ZMYND8: variants seen among roughly 807,000 people sequenced by gnomAD.
The protein encoded by ZMYND8 is MYND-type zinc finger-containing chromatin reader ZMYND8.
In ZMYND8, 37 loss-of-function variants were observed where a neutral mutation model predicts 140.8. That is an observed-to-expected ratio of 0.26 (90% CI 0.20 to 0.35). The LOEUF is 0.35. Among genes scored for constraint, ZMYND8 ranks in the 10% least tolerant of loss-of-function variants. ZMYND8 has a pLI of 1.00. For synonymous variants in ZMYND8, 592 were observed against 597.1 expected, an observed-to-expected ratio of 0.99 and a Z score of 0.12; for missense variants, 1,068 against 1,570.0, an observed-to-expected ratio of 0.68 and a Z score of 5.40.
chr20:47,241,966 C>T (rs1308974179), intron 14 of ZMYND8, among the ~76,000 whole-genome samples: 2 of 151,956 alleles, frequency 1.3e-5, no homozygotes, highest in Non-Finnish European at 2.9e-5. Context: ...TACAGGTGCC[C>T]GCCACCATGC....
chr20:47,301,921 T>C (rs2078078110), intron 3 of ZMYND8, among the ~76,000 whole-genome samples: 1 of 152,096 alleles, frequency 6.6e-6, no homozygotes, highest in South Asian at 2.1e-4. Context: ...GTTCTGGTGA[T>C]AGTAAGTTCT....
In ZMYND8 at chr20:47,310,312, C is replaced by T; in HGVS notation, c.86-108G>A. 2 of 1,355,918 alleles carry T rather than the reference C, an allele frequency of 1.5e-6. 1 individual carries two copies. The highest frequency in any genetic ancestry group is 3.0e-5 in the South Asian group (2 of 67,292). 84.0% of individuals were successfully genotyped at this position (1,355,918 alleles called of 1,614,324 possible). The stretch of plus-strand genomic sequence containing the variant: ...GTGGGAACAGAGTGCATTCTGTCCC[C>T]CAACTCCCGAAGCCACTTCAGTGTT... On this transcript the variant is annotated intron_variant, in intron 2 of 22. Transcript: ENST00000471951.
chr20:47,313,307 C>A (rs2079086872), intron 2 of ZMYND8, among the ~76,000 whole-genome samples: 1 of 151,660 alleles, frequency 6.6e-6, no homozygotes, highest in Non-Finnish European at 1.5e-5. Flanking sequence ...TGGTGAAACC[C>A]CGCATCTACA....
intron 1 of ZMYND8, chr20:47,349,876 A>C: frequency 6.5e-7 from 1 of 1,535,694 alleles, no homozygotes; most frequent in Non-Finnish European, 8.7e-7. Flanking sequence ...GGATTTCTGC[A>C]GCGATGAAAA....
chr20:47,267,939 G>C (rs953176206), intron 11 of ZMYND8, among the ~76,000 whole-genome samples: 3 of 151,734 alleles, frequency 2.0e-5, no homozygotes, highest in Admixed American at 6.6e-5. Context: ...GGCCTCCCTT[G>C]TTGGCCACCT....
rs186368701 is a variant in ZMYND8 at position 47,246,203 on chromosome 20, C to T, written c.2089G>A (p.Glu697Lys). 44 of 1,614,164 alleles carry T rather than the reference C, an allele frequency of 2.7e-5. 2 individuals carry two copies. The highest frequency in any genetic ancestry group is 1.8e-4 in the South Asian group (16 of 91,068). The change falls in exon 14 of 23, where the codon GAA (glutamate) becomes AAA (lysine). Residue 697 changes from glutamate to lysine, a missense_variant. By Grantham distance (56) the Glu-to-Lys change is moderately conservative (BLOSUM62 1). This residue lies in a region of ZMYND8 where 383 missense variants were observed against 431.2 expected (regional missense o/e 0.89). Transcript: ENST00000471951. ...ASPEPEKDFS[E>K]KAKPSPHPIK... ...GGGTGAGGTGAAGGTTTTGCCTTTTCGGAAAAGTCCTTCTCAGGCTCAGGG... is the reference window on the plus strand; with the variant it reads ...GGGTGAGGTGAAGGTTTTGCCTTTTTGGAAAAGTCCTTCTCAGGCTCAGGG...
rs117403397 is a variant in ZMYND8, at chr20:47,278,399, C to G, written c.999-1604G>C. On this transcript the variant is annotated intron_variant, in intron 10 of 22. Transcript: ENST00000471951. The stretch of plus-strand genomic sequence containing the variant: ...TCACGTCTGGTGGAAAGGGAGAAAG[C>G]AGTATCTACTCAGTTGCTATCCAAA... 3.5e-3 allele frequency among the ~76,000 whole-genome samples: 532 copies of G among 152,316 alleles called. 13 individuals are homozygous for G. The East Asian group carries it at 0.053, about 15-fold the overall frequency.
intron 2 of ZMYND8, among the ~76,000 whole-genome samples, chr20:47,341,625 C>G (rs1602097051): frequency 6.6e-6 from 1 of 151,950 alleles, no homozygotes; most frequent in Admixed American, 6.6e-5. Flanking sequence ...AATCCCAGCA[C>G]TTTGGGAGGC....
chr20:47,336,425 A>C (rs1160518890), intron 2 of ZMYND8, among the ~76,000 whole-genome samples: 1 of 152,200 alleles, frequency 6.6e-6, no homozygotes, highest in Non-Finnish European at 1.5e-5. Context: ...AAATGGTTTC[A>C]GCTTTGGCAG....
chr20:47,222,143 C>A (rs1036904807), intron 19 of ZMYND8, among the ~76,000 whole-genome samples: 9 of 152,234 alleles, frequency 5.9e-5, no homozygotes, highest in Non-Finnish European at 1.0e-4. Flanking sequence ...CAGAGACTTT[C>A]TTCCTTCTAA....
intron 2 of ZMYND8, among the ~76,000 whole-genome samples, chr20:47,330,933 G>C (rs991227503): frequency 3.3e-5 from 5 of 152,222 alleles, no homozygotes; most frequent in Non-Finnish European, 7.3e-5. Flanking sequence ...TCCTCATTTT[G>C]AGCCTTAAAA....
chr20:47,295,717 T>A (rs991746212), intron 4 of ZMYND8, among the ~76,000 whole-genome samples: 2 of 152,202 alleles, frequency 1.3e-5, no homozygotes, highest in African/African-American at 4.8e-5. Context: ...CCATGGGTAA[T>A]AGATATCAGC....
chr20:47,307,898 T>A (rs1019820580), intron 3 of ZMYND8, among the ~76,000 whole-genome samples: 2 of 148,360 alleles, frequency 1.3e-5, no homozygotes, highest in Non-Finnish European at 3.0e-5. Flanking sequence ...GACAGGTGGA[T>A]CACAAGGTCA....
At chr20:47,301,806 C>T (rs1272526887) in intron 3 of ZMYND8, among the ~76,000 whole-genome samples, 1 of 152,036 alleles carries the variant, frequency 6.6e-6, no homozygotes, top group African/African-American at 2.4e-5. Context: ...TTGGCTGTGT[C>T]CCCACCCAAA....
intron 3 of ZMYND8, among the ~76,000 whole-genome samples, chr20:47,305,339 G>A (rs939933493): frequency 4.0e-5 from 6 of 151,684 alleles, no homozygotes; most frequent in African/African-American, 1.5e-4. Flanking sequence ...CTCCGAGGTT[G>A]AAGCGATTCT....
chr20:47,313,870 T>C (rs963992748), intron 2 of ZMYND8, among the ~76,000 whole-genome samples: 1 of 151,272 alleles, frequency 6.6e-6, no homozygotes, highest in African/African-American at 2.4e-5. Context: ...GAGGCAGGGG[T>C]TGCAGTGAGC....
At chr20:47,309,981 AG>A (rs1401421780) in intron 3 of ZMYND8, 74 bp downstream of exon 3, 2 of 1,584,390 alleles carry the variant, frequency 1.3e-6, no homozygotes, top group Non-Finnish European at 1.7e-6. Context: ...GGCGCTTACA[AG>A]GATCCAGAGG....
chr20:47,225,711 T>C (rs557835007), intron 18 of ZMYND8, among the ~76,000 whole-genome samples: 14 of 151,728 alleles, frequency 9.2e-5, no homozygotes, highest in African/African-American at 2.7e-4. Context: ...GACAGAACCT[T>C]TGAGTCAATC....
At chr20:47,239,704 T>C (rs1011730080) in intron 14 of ZMYND8, among the ~76,000 whole-genome samples, 6 of 152,160 alleles carry the variant, frequency 3.9e-5, no homozygotes, top group Admixed American at 3.3e-4. Flanking sequence ...AGGACAAAGT[T>C]TGAAGGCGGT....
Sources: allele counts gnomAD v4.1 joint callset (sites outside exome capture counted in the v4.1 genomes callset), GRCh38; gene constraint gnomAD v4.1.1; regional missense constraint gnomAD v4.1.1; transcripts MANE v1.5; gene names NCBI Gene and HGNC (gene_info 2026-07-23, HGNC 2026-07-21).